Variants in CMIP observed in about 807,000 individuals in gnomAD.
The protein encoded by CMIP is C-Maf-inducing protein.
In CMIP, 13 loss-of-function variants were observed where a neutral mutation model predicts 97.3. The ratio of observed to expected loss-of-function variants is 0.13; its 90% CI spans 0.09 to 0.21. The LOEUF (loss-of-function observed/expected upper bound fraction) is 0.21, where lower values mean the gene tolerates loss of function less well. CMIP is among the 10% of genes least tolerant of loss of function. CMIP has a pLI of 1.00. For missense variants in CMIP, 847 were observed against 1,024.9 expected (o/e 0.83, Z 2.37); for synonymous variants, 538 against 436.3 (o/e 1.23, Z -2.91).
chr16:81,592,290 C>T (rs2091477761), intron 1 of CMIP, among the ~76,000 whole-genome samples: 1 of 152,138 alleles, frequency 6.6e-6, no homozygotes, highest in Admixed American at 6.5e-5. Context: ...TGTCTCAGGC[C>T]CCTGCCTGAG....
intron 9 of CMIP, among the ~76,000 whole-genome samples, chr16:81,674,546 GT>G (rs2092711266): frequency 6.6e-6 from 1 of 152,164 alleles, no homozygotes; most frequent in East Asian, 1.9e-4. Context: ...AGTAGCTGTG[GT>G]GAGTATTTAC....
chr16:81,693,478 C>T lies in CMIP; in HGVS notation c.1521C>T (p.Pro507=). ...KYVIQRFAED[P]RQEVHSCLLS... ...TGATTCAGAGGTTCGCCGAAGACCCCAGGCAAGAGGTGAGGCCTTTGTTTC... is the reference window on the plus strand; with the variant it reads ...TGATTCAGAGGTTCGCCGAAGACCCTAGGCAAGAGGTGAGGCCTTTGTTTC... Residue 507 remains proline (P), a synonymous_variant, in exon 13 of 21, where the codon CCC becomes CCT. Transcript: ENST00000537098. 6.2e-7 allele frequency: 1 copy of T among 1,612,688 alleles called. No homozygotes were observed. The highest frequency in any genetic ancestry group is 1.7e-5 in the Admixed American group (1 of 59,898).
intron 1 of CMIP, among the ~76,000 whole-genome samples, chr16:81,589,562 C>T (rs2091435398): frequency 6.6e-6 from 1 of 151,898 alleles, no homozygotes; most frequent in South Asian, 2.1e-4. Context: ...GCCAGCCTGG[C>T]CCATGCCGGG....
rs747995815 is a variant in CMIP at position 81,693,399 on chromosome 16, C to T, written c.1482-40C>T. ...CCTTCCCACACCTCCCACTCAGTTC[C>T]AGACCCCGGCAGTAACTCCGGCCGC... On this transcript the variant is annotated intron_variant, in intron 12 of 20. Coordinates refer to ENST00000537098, the MANE Select transcript of CMIP (RefSeq NM_198390.3). 6 of 1,598,596 alleles carry T rather than the reference C, an allele frequency of 3.8e-6. No individual in the cohort carries two copies. In the South Asian group the frequency reaches 5.6e-5, roughly 15 times the overall value.
chr16:81,537,799 G>C (rs1453850286), intron 1 of CMIP, among the ~76,000 whole-genome samples: 1 of 152,256 alleles, frequency 6.6e-6, no homozygotes, highest in African/African-American at 2.4e-5. Flanking sequence ...CTCCCGCTTT[G>C]AGCAGGGAAA....
chr16:81,705,683 A>C (rs749659367), intron 19 of CMIP, 79 bp downstream of exon 19: 62 of 925,094 alleles, frequency 6.7e-5, no homozygotes, highest in Non-Finnish European at 9.2e-5. Context: ...CTGGCCAAGC[A>C]CTGACTTTGC....
At chr16:81,550,621 C>G (rs1400782893) in intron 1 of CMIP, among the ~76,000 whole-genome samples, 3 of 152,110 alleles carry the variant, frequency 2.0e-5, no homozygotes, top group African/African-American at 7.2e-5. Flanking sequence ...TAGGATAGAC[C>G]AGGAGGACCC....
chr16:81,487,126 G>C (rs2089327098), intron 1 of CMIP, among the ~76,000 whole-genome samples: 1 of 151,590 alleles, frequency 6.6e-6, no homozygotes, highest in Admixed American at 6.6e-5. Context: ...GGGGCCCTGA[G>C]AACCAGAACA....
At position 81,525,112 on chromosome 16, in the gene CMIP, T is replaced by G. The variant is rs2090105196; in HGVS notation, c.300+79571T>G. Among the ~76,000 whole-genome samples the G allele has an allele frequency of 2.0e-5, 3 of 151,972 alleles. No individual in the cohort carries two copies. The South Asian group carries it at 6.2e-4, about 32-fold the overall frequency. ...TGCCTGGCCCCTATTTTTATTTCTT[T>G]AAATTATTCATTTATTTTTTATTTT... is the stretch of plus-strand genomic sequence containing the variant. On this transcript the variant is annotated intron_variant, in intron 1 of 20. Coordinates refer to ENST00000537098, the MANE Select transcript of CMIP (RefSeq NM_198390.3).
chr16:81,539,353 A>C (rs1187301515), intron 1 of CMIP, among the ~76,000 whole-genome samples: 1 of 151,698 alleles, frequency 6.6e-6, no homozygotes, highest in Non-Finnish European at 1.5e-5. Context: ...GGGCAGCTGC[A>C]CAATGTCTGG....
chr16:81,629,132 C>CT (rs2092116920), intron 3 of CMIP, among the ~76,000 whole-genome samples: 1 of 57,122 alleles, frequency 1.8e-5, no homozygotes, highest in African/African-American at 7.9e-5. Flanking sequence ...TGAAACTGTG[C>CT]TTAAAAAAAA....
At chr16:81,549,252 C>T (rs2090607768) in intron 1 of CMIP, among the ~76,000 whole-genome samples, 1 of 152,172 alleles carries the variant, frequency 6.6e-6, no homozygotes, top group South Asian at 2.1e-4. Context: ...GTTGATGGAG[C>T]CATTTGTATT....
At chr16:81,465,459 C>T (rs1907146727) in intron 1 of CMIP, among the ~76,000 whole-genome samples, 1 of 152,226 alleles carries the variant, frequency 6.6e-6, no homozygotes, top group Non-Finnish European at 1.5e-5. Flanking sequence ...GTGCTTGCTT[C>T]CTTTTCCTGT....
At chr16:81,642,858 T>C (rs1257781985) in intron 3 of CMIP, among the ~76,000 whole-genome samples, 1 of 152,032 alleles carries the variant, frequency 6.6e-6, no homozygotes, top group Non-Finnish European at 1.5e-5. Flanking sequence ...ATCGCACCAC[T>C]GCACTCCAGC....
intron 1 of CMIP, among the ~76,000 whole-genome samples, chr16:81,606,131 C>G (rs1010921659): frequency 3.1e-4 from 47 of 152,208 alleles, no homozygotes; most frequent in African/African-American, 1.1e-3. Context: ...TTGCCTTTGC[C>G]TCTTTCTTGG....
chr16:81,607,876 G>A (rs913916301), intron 2 of CMIP, among the ~76,000 whole-genome samples, 184 bp downstream of exon 2: 1 of 152,242 alleles, frequency 6.6e-6, no homozygotes, highest in African/African-American at 2.4e-5. Context: ...GAAAAGGACT[G>A]TGCATGGCCT....
At chr16:81,620,716 C>G (rs1364025791) in intron 2 of CMIP, among the ~76,000 whole-genome samples, 160 bp from the exon 3 acceptor site, 1 of 152,214 alleles carries the variant, frequency 6.6e-6, no homozygotes, top group Non-Finnish European at 1.5e-5. Context: ...GTTTTGCACA[C>G]AACAGGCTCA....
intron 4 of CMIP, among the ~76,000 whole-genome samples, chr16:81,656,591 C>T (rs1007336136): frequency 6.6e-6 from 1 of 152,162 alleles, no homozygotes; most frequent in Non-Finnish European, 1.5e-5. Context: ...TCACAGATGG[C>T]GGCACAGGTC....
intron 1 of CMIP, among the ~76,000 whole-genome samples, chr16:81,525,057 A>G (rs1331080990): frequency 6.6e-6 from 1 of 151,170 alleles, no homozygotes. Context: ...CGGCCTCCCA[A>G]AGTACTGGGA....
Sources: gnomAD v4.1 joint callset for allele counts (sites outside exome capture counted in the v4.1 genomes callset) on GRCh38, gnomAD v4.1.1 for gene constraint, MANE v1.5 for transcripts, NCBI Gene and HGNC (gene_info 2026-07-23, HGNC 2026-07-21) for gene names.